THSD7A: variants seen among roughly 807,000 people sequenced by gnomAD.
The protein encoded by THSD7A is thrombospondin type-1 domain-containing protein 7A.
THSD7A carries 96 observed loss-of-function variants against 231.3 expected under a neutral mutation model. The observed-to-expected ratio is 0.41, with a 90% CI of 0.35 to 0.49. The LOEUF (loss-of-function observed/expected upper bound fraction) is 0.49. Ranked by LOEUF, THSD7A falls within the 20% of genes least tolerant of loss-of-function variation. THSD7A has a pLI of 0.05. For missense variants in THSD7A, 2,290 were observed against 2,070.2 expected (o/e 1.11, Z -2.06); for synonymous variants, 940 against 743.3 (o/e 1.26, Z -4.30).
At chr7:11,769,153 A>ATATATATATATAT in intron 1 of THSD7A, among the ~76,000 whole-genome samples, 13 of 27,644 alleles carry the variant, frequency 4.7e-4, no homozygotes, top group East Asian at 1.5e-3. Flanking sequence ...ATATATATAT[A>ATATATATATATAT]TTTTTTTTTT....
At chr7:11,568,655 C>A (rs12539205) in intron 4 of THSD7A, among the ~76,000 whole-genome samples, 5,471 of 61,954 alleles carry the variant, frequency 0.088, 472 homozygotes, top group Admixed American at 0.19. Flanking sequence ...AAAAAAAAAA[C>A]CAAAATCTGG....
At chr7:11,582,965 G>T (rs10950355) in intron 4 of THSD7A, among the ~76,000 whole-genome samples, 107,985 of 151,686 alleles carry the variant, frequency 0.71, 38,647 homozygotes, top group Admixed American at 0.82. Context: ...TCTCTCCCTT[G>T]CTTTTGATTC....
intron 4 of THSD7A, among the ~76,000 whole-genome samples, chr7:11,566,970 G>T (rs1421331375): frequency 9.0e-6 from 1 of 110,936 alleles, no homozygotes; most frequent in Non-Finnish European, 1.9e-5. Context: ...GAGAGTGGGG[G>T]GGGGACTGAC....
At chr7:11,607,103 A>G (rs1177354342) in intron 2 of THSD7A, among the ~76,000 whole-genome samples, 1 of 152,124 alleles carries the variant, frequency 6.6e-6, no homozygotes, top group Non-Finnish European at 1.5e-5. Flanking sequence ...CAGCCGATTG[A>G]CAGGTCTGTA....
At chr7:11,520,138 T>G (rs1243785673) in intron 6 of THSD7A, 1 of 152,212 alleles carries the variant, frequency 6.6e-6, no homozygotes, top group Non-Finnish European at 1.5e-5. Flanking sequence ...AATCTCTAAC[T>G]TTTGAAAATC....
intron 1 of THSD7A, among the ~76,000 whole-genome samples, chr7:11,672,383 T>C (rs1174180664): frequency 1.3e-5 from 2 of 152,176 alleles, no homozygotes; most frequent in Non-Finnish European, 2.9e-5. Context: ...ATTGTCTAAT[T>C]TGATATCTAG....
At chr7:11,588,888 T>C (rs1780034748) in intron 4 of THSD7A, among the ~76,000 whole-genome samples, 1 of 152,206 alleles carries the variant, frequency 6.6e-6, no homozygotes, top group Admixed American at 6.5e-5. Context: ...TCAAGATACA[T>C]TAGTAGTAAA....
At chr7:11,483,887 G>C (rs1321001246) in intron 6 of THSD7A, among the ~76,000 whole-genome samples, 2 of 152,112 alleles carry the variant, frequency 1.3e-5, no homozygotes, top group Non-Finnish European at 2.9e-5. Flanking sequence ...TGCAGACTTT[G>C]CTACAAGGGT....
chr7:11,437,203 A>C (rs1784660971), intron 13 of THSD7A, among the ~76,000 whole-genome samples: 1 of 152,122 alleles, frequency 6.6e-6, no homozygotes, highest in African/African-American at 2.4e-5. Context: ...GAGGTGTCGG[A>C]ACATGAACTA....
chr7:11,691,314 C>T (rs548797517), intron 1 of THSD7A, among the ~76,000 whole-genome samples: 1 of 151,424 alleles, frequency 6.6e-6, no homozygotes, highest in Admixed American at 6.6e-5. Context: ...TATTACCATG[C>T]AAGTTGCAAT....
intron 6 of THSD7A, among the ~76,000 whole-genome samples, chr7:11,512,942 G>GATATATATATAT (rs59121982): frequency 0.02 from 2,038 of 101,924 alleles, 175 homozygotes; most frequent in African/African-American, 0.025. Flanking sequence ...AAGAAACTAT[G>GATATATATATAT]ATATATATAT....
intron 4 of THSD7A, among the ~76,000 whole-genome samples, chr7:11,589,575 G>A (rs1182474913): frequency 6.6e-6 from 1 of 152,124 alleles, no homozygotes; most frequent in Non-Finnish European, 1.5e-5. Context: ...TGATGACTTT[G>A]AGGACTTCCA....
At chr7:11,397,737 G>A (rs372054993) in intron 23 of THSD7A, among the ~76,000 whole-genome samples, 4 of 152,114 alleles carry the variant, frequency 2.6e-5, no homozygotes, top group African/African-American at 9.7e-5. Flanking sequence ...GAAAAAGTGG[G>A]CGAAGAATAT....
intron 6 of THSD7A, among the ~76,000 whole-genome samples, chr7:11,537,614 T>TGCCATGCTTCCTGTACAGC (rs137966566): frequency 6.6e-6 from 1 of 150,548 alleles, no homozygotes; most frequent in Non-Finnish European, 1.5e-5. Context: ...CACCTAACAG[T>TGCCATGCTTCCTGTACAGC]GCCATGCTTC....
At chr7:11,788,383 A>G (rs1214220075) in intron 1 of THSD7A, among the ~76,000 whole-genome samples, 2 of 151,938 alleles carry the variant, frequency 1.3e-5, no homozygotes, top group East Asian at 3.9e-4. Context: ...GTCTTGCCCA[A>G]ATATATCCTC....
chr7:11,530,447 T>C (rs779199813), intron 6 of THSD7A, among the ~76,000 whole-genome samples: 9 of 152,216 alleles, frequency 5.9e-5, no homozygotes, highest in Non-Finnish European at 1.0e-4. Flanking sequence ...CAGAGATTTA[T>C]TGACAATCTG....
chr7:11,383,113 A>G (rs1409146038), intron 23 of THSD7A, among the ~76,000 whole-genome samples: 1 of 151,846 alleles, frequency 6.6e-6, no homozygotes, highest in Admixed American at 6.6e-5. Flanking sequence ...TTTCTTTGCC[A>G]TGCTTTTAAT....
intron 6 of THSD7A, among the ~76,000 whole-genome samples, chr7:11,502,597 A>G (rs1787382840): frequency 6.6e-6 from 1 of 152,164 alleles, no homozygotes. Flanking sequence ...CTTCATCTTA[A>G]AAACTCTCAA....
chr7:11,696,613 C>G (rs539209399), intron 1 of THSD7A, among the ~76,000 whole-genome samples: 1 of 151,210 alleles, frequency 6.6e-6, no homozygotes, highest in South Asian at 2.1e-4. Flanking sequence ...CAGGCCCCGC[C>G]AAATCATGAG....
Sources: allele counts gnomAD v4.1 joint callset (sites outside exome capture counted in the v4.1 genomes callset), GRCh38; gene constraint gnomAD v4.1.1; transcripts MANE v1.5; gene names NCBI Gene and HGNC (gene_info 2026-07-23, HGNC 2026-07-21).